Variants in PIWIL4 observed in about 807,000 individuals in gnomAD.
PIWIL4 encodes piwi like RNA-mediated gene silencing 4.
Under a neutral mutation model 100.9 loss-of-function variants are expected in PIWIL4, and 50 were observed. That is an observed-to-expected ratio of 0.50 (90% CI 0.39 to 0.63). The LOEUF (loss-of-function observed/expected upper bound fraction) is 0.63. Ranked by LOEUF, PIWIL4 falls within the 20% of genes least tolerant of loss-of-function variation. The pLI is 0.00. For synonymous variants in PIWIL4, 342 were observed against 367.5 expected (o/e 0.93, Z 0.79); for missense variants, 887 against 1,043.3 (o/e 0.85, Z 2.06).
chr11:94,617,428 A>G (rs986862568), intron 16 of PIWIL4, among the ~76,000 whole-genome samples: 7 of 152,066 alleles, frequency 4.6e-5, no homozygotes, highest in African/African-American at 1.7e-4. Flanking sequence ...TAGGAAATTC[A>G]TAGTTACAGT....
intron 8 of PIWIL4, among the ~76,000 whole-genome samples, chr11:94,591,205 C>T (rs1202862926): frequency 2.0e-5 from 3 of 152,202 alleles, no homozygotes; most frequent in Non-Finnish European, 4.4e-5. Context: ...CAGCATCCCT[C>T]CTATGCACCC....
intron 15 of PIWIL4, 96 bp from the exon 16 acceptor site, chr11:94,616,397 T>G: frequency 9.1e-7 from 1 of 1,094,788 alleles, no homozygotes; most frequent in Non-Finnish European, 1.3e-6. Context: ...CATTGATTTT[T>G]ACTCATAATC....
Position 94,620,942 on chromosome 11 carries a change from A to G in PIWIL4, c.2509A>G (p.Ile837Val). ...GCTGACCTTTCTGGTGGCACAAAGCATTCATAAAGAACCCAGTCTGGAATT... is the reference window on the plus strand; with the variant it reads ...GCTGACCTTTCTGGTGGCACAAAGCGTTCATAAAGAACCCAGTCTGGAATT... Reference protein sequence around the residue: ...HKLTFLVAQSIHKEPSLELAN... With the variant: ...HKLTFLVAQSVHKEPSLELAN... The change falls in exon 20 of 20, where the codon ATT becomes GTT. Residue 837 changes from isoleucine to valine, a missense_variant. Coordinates refer to ENST00000299001, the MANE Select transcript of PIWIL4 (RefSeq NM_152431.3). The G allele has an allele frequency of 6.2e-7, 1 of 1,613,914 alleles. No homozygotes were observed. Among genetic ancestry groups the G allele is most frequent in the Non-Finnish European group, 8.5e-7 (1 of 1,179,984 alleles).
rs113198862 is a variant in PIWIL4 at position 94,592,429 on chromosome 11, G to A, written c.1027-1089G>A. Reference sequence around the variant, plus strand: ...CTCTTTTATTTTCTTATCCACTGCCGTTCCTGGAACACAGTAAGCACGCCA... The same window carrying A: ...CTCTTTTATTTTCTTATCCACTGCCATTCCTGGAACACAGTAAGCACGCCA... On this transcript the variant is annotated intron_variant, in intron 8 of 19. Transcript: ENST00000299001. 2.0e-3 allele frequency among the ~76,000 whole-genome samples: 310 copies of A among 152,282 alleles called. 1 individual carries two copies. The highest frequency in any genetic ancestry group is 6.9e-3 in the African/African-American group (286 of 41,546).
rs1948093348 is a variant in PIWIL4, at chr11:94,567,612, A to G, written c.87+7A>G. ...CATCCAAGCCTCGCCATTGGTGTGT[A>G]GAATGCTTATTGCGCATGGTTTCGT... On this transcript the variant is annotated splice_region_variant and intron_variant, in intron 1 of 19. Coordinates refer to ENST00000299001, the MANE Select transcript of PIWIL4 (RefSeq NM_152431.3). 2 of 1,594,636 alleles carry G rather than the reference A, an allele frequency of 1.3e-6. No homozygotes were observed. The highest frequency in any genetic ancestry group is 1.3e-5 in the African/African-American group (1 of 74,878).
intron 13 of PIWIL4, among the ~76,000 whole-genome samples, chr11:94,606,976 C>A (rs1194912590): frequency 6.6e-6 from 1 of 152,044 alleles, no homozygotes; most frequent in Non-Finnish European, 1.5e-5. Flanking sequence ...GGGAAAAGCA[C>A]CATAGTTTAA....
chr11:94,608,829 A>T, intron 15 of PIWIL4, 143 bp downstream of exon 15: 1 of 717,290 alleles, frequency 1.4e-6, no homozygotes, highest in East Asian at 2.7e-5. Context: ...TTACACTTAC[A>T]TATAAAAATG....
intron 2 of PIWIL4, among the ~76,000 whole-genome samples, chr11:94,573,128 A>G (rs2135236914): frequency 6.6e-6 from 1 of 152,238 alleles, no homozygotes; most frequent in Non-Finnish European, 1.5e-5. Flanking sequence ...TGATTTTTGC[A>G]CATTGATTTT....
chr11:94,616,742 G>A (rs565778459), intron 16 of PIWIL4, among the ~76,000 whole-genome samples, 179 bp downstream of exon 16: 5 of 152,296 alleles, frequency 3.3e-5, no homozygotes, highest in African/African-American at 1.2e-4. Context: ...ATCAGACTAT[G>A]TAGCATTTAC....
At chr11:94,594,747 G>A (rs997896473) in intron 9 of PIWIL4, among the ~76,000 whole-genome samples, 1 of 152,040 alleles carries the variant, frequency 6.6e-6, no homozygotes, top group African/African-American at 2.4e-5. Context: ...GGTCAGGCTG[G>A]TCTCAAACTC....
In PIWIL4 at chr11:94,607,589, A is replaced by G. The variant is rs772741508; in HGVS notation, c.1789A>G (p.Met597Val). The change falls in exon 14 of 20, where the codon ATG (methionine) becomes GTG (valine). Residue 597 changes from methionine to valine, a missense_variant. Met to Val is a conservative substitution (Grantham distance 21, BLOSUM62 1). Around this residue, in one of 2 missense-constraint regions of PIWIL4, gnomAD observed 741 missense variants for 930.0 expected, o/e 0.80. Transcript: ENST00000299001. Reference protein sequence around the residue: ...MMMSIATKIAMQMTCKLGGEL... With the variant: ...MMMSIATKIAVQMTCKLGGEL... ...GATGAGTATCGCCACCAAGATCGCT[A>G]TGCAGATGACTTGCAAGCTCGGAGG... 6.2e-7 allele frequency: 1 copy of G among 1,614,190 alleles called. No homozygotes were observed. Among genetic ancestry groups the G allele is most frequent in the South Asian group, 1.1e-5 (1 of 91,084 alleles).
intron 11 of PIWIL4, among the ~76,000 whole-genome samples, chr11:94,598,661 C>G (rs1220955667): frequency 1.3e-5 from 2 of 148,178 alleles, no homozygotes; most frequent in African/African-American, 4.9e-5. Flanking sequence ...TATAATTGAA[C>G]AATGAATGTA....
chr11:94,600,654 G>A (rs879737807), intron 11 of PIWIL4, among the ~76,000 whole-genome samples: 1 of 152,070 alleles, frequency 6.6e-6, no homozygotes, highest in Non-Finnish European at 1.5e-5. Flanking sequence ...AGAGCAACCG[G>A]TCTGACCAAA....
At chr11:94,595,496 T>C in intron 10 of PIWIL4, 70 bp downstream of exon 10, 1 of 1,170,004 alleles carries the variant, frequency 8.5e-7, no homozygotes, top group Admixed American at 2.0e-5. Flanking sequence ...GTAACACTGA[T>C]ATATTCCTTG....
chr11:94,618,160 G>A, intron 17 of PIWIL4, 53 bp downstream of exon 17: 6 of 1,480,478 alleles, frequency 4.1e-6, no homozygotes, highest in Non-Finnish European at 5.4e-6. Flanking sequence ...ATATTCAGCT[G>A]TAGCTATTAC....
At chr11:94,573,141 G>A (rs1234886428) in intron 2 of PIWIL4, among the ~76,000 whole-genome samples, 3 of 152,058 alleles carry the variant, frequency 2.0e-5, no homozygotes, top group Admixed American at 6.6e-5. Flanking sequence ...TTGATTTTGT[G>A]GCCTGAGACT....
At chr11:94,617,274 C>G (rs1305458851) in intron 16 of PIWIL4, among the ~76,000 whole-genome samples, 1 of 152,144 alleles carries the variant, frequency 6.6e-6, no homozygotes, top group East Asian at 1.9e-4. Context: ...AATAACTATG[C>G]AATATATACA....
chr11:94,619,567 AT>A (rs1948883983), intron 17 of PIWIL4, among the ~76,000 whole-genome samples, 192 bp from the exon 18 acceptor site: 1 of 152,322 alleles, frequency 6.6e-6, no homozygotes, highest in Admixed American at 6.5e-5. Context: ...TTTGCAACAA[AT>A]ACGGACAATC....
At chr11:94,605,986 A>G (rs1948711044) in intron 13 of PIWIL4, among the ~76,000 whole-genome samples, 1 of 152,182 alleles carries the variant, frequency 6.6e-6, no homozygotes, top group South Asian at 2.1e-4. Flanking sequence ...CTGGAATCAG[A>G]TATCTTTCCC....
Sources: allele counts gnomAD v4.1 joint callset (sites outside exome capture counted in the v4.1 genomes callset), GRCh38; gene constraint gnomAD v4.1.1; regional missense constraint gnomAD v4.1.1; transcripts MANE v1.5; gene names NCBI Gene and HGNC (gene_info 2026-07-23, HGNC 2026-07-21).